RC3H1: variants seen among roughly 807,000 people sequenced by gnomAD.
RC3H1 encodes the protein roquin-1.
RC3H1 carries 50 observed loss-of-function variants against 138.2 expected under a neutral mutation model. That is an observed-to-expected ratio of 0.36 (90% confidence interval 0.29 to 0.46). The LOEUF (loss-of-function observed/expected upper bound fraction) is 0.46. Ranked by LOEUF, RC3H1 falls within the 20% of genes least tolerant of loss-of-function variation. The pLI, the probability that RC3H1 is intolerant of heterozygous loss-of-function variation, is 1.00. For synonymous variants in RC3H1, 462 were observed against 489.1 expected (o/e 0.94, Z 0.73); for missense variants, 1,031 against 1,388.1 (o/e 0.74, Z 4.09).
chr1:173,942,428 C>CAAAAAAAAAAAAAAAAA lies in RC3H1; in HGVS notation c.3135+997_3135+1013dup, dbSNP rs60694243. On this transcript the variant is annotated intron_variant, in intron 18 of 19. Transcript: ENST00000367696. ...ACCCTGGGTGACAGAGACTCAGTCT[C>CAAAAAAAAAAAAAAAAA]AAAAAAAAAAAAAAAAAAAAAAGAA... Among the ~76,000 whole-genome samples, 58 of 38,076 alleles carry CAAAAAAAAAAAAAAAAA rather than the reference C, an allele frequency of 1.5e-3. 5 individuals are homozygous for CAAAAAAAAAAAAAAAAA. Among genetic ancestry groups the CAAAAAAAAAAAAAAAAA allele is most frequent in the African/African-American group, 8.2e-3 (57 of 6,988 alleles). 25.0% of individuals were successfully genotyped at this position (38,076 alleles called of 152,430 possible).
intron 1 of RC3H1, among the ~76,000 whole-genome samples, chr1:174,010,579 G>GT (rs1446112489): frequency 1.3e-5 from 2 of 151,856 alleles, no homozygotes; most frequent in Admixed American, 6.6e-5. Context: ...ATGCCTGGCT[G>GT]TTTTTTTAAT....
chr1:173,961,921 T>A lies in RC3H1; in HGVS notation c.2006A>T (p.His669Leu). 6.2e-7 allele frequency: 1 copy of A among 1,613,932 alleles called. No individual in the cohort carries two copies. The highest frequency in any genetic ancestry group is 8.5e-7 in the Non-Finnish European group (1 of 1,179,900). ...AGGGTACACTCGACGGCCATCATAG[T>A]GAGATGGGTATATAGGTGGGTACTG... ...PQQYPPIYPSHYDGRRVYPAP... is the reference protein window; with the variant it reads ...PQQYPPIYPSLYDGRRVYPAP... Residue 669 changes from histidine (H) to leucine (L), a missense_variant, in exon 12 of 20, where the codon CAC becomes CTC. His to Leu is a moderately conservative substitution (Grantham distance 99). Coordinates refer to ENST00000367696, the MANE Select transcript of RC3H1 (RefSeq NM_172071.4).
At chr1:173,960,906 T>G (rs1157058200) in intron 13 of RC3H1, 171 bp downstream of exon 13, 2 of 621,950 alleles carry the variant, frequency 3.2e-6, no homozygotes, top group East Asian at 5.8e-5. Context: ...TGCATTACAT[T>G]ACATACATAC....
rs1022055574 is a variant in RC3H1, at chr1:173,936,596, T to C, written c.*2125A>G. ...CTGTTATGCAGAGAAATGAAAAATC[T>C]TGGGACTCTGTCAGACATACAAAAG... is the stretch of plus-strand genomic sequence containing the variant. On this transcript the variant is annotated 3_prime_UTR_variant, in exon 20 of 20. Coordinates refer to ENST00000367696, the MANE Select transcript of RC3H1 (RefSeq NM_172071.4). The C allele has an allele frequency of 2.7e-5, 4 of 148,546 alleles. No individual in the cohort carries two copies. The highest frequency in any genetic ancestry group is 4.5e-5 in the Non-Finnish European group (3 of 67,280). The allele number at this position is 148,546 out of a possible 1,614,324, so 9.2% of individuals were successfully genotyped here. A position where few individuals can be genotyped will look rare whatever the true frequency, so the allele number is the denominator to read the frequency against.
rs750736846 is a variant in RC3H1 at position 173,964,878 on chromosome 1, T to C, written c.1577A>G (p.Asp526Gly). The C allele has an allele frequency of 9.9e-6, 16 of 1,614,036 alleles. No individual in the cohort carries two copies. Among genetic ancestry groups the C allele is most frequent in the Middle Eastern group, 1.6e-4 (1 of 6,084 alleles). The change falls in exon 10 of 20, where the codon GAT (aspartate) becomes GGT (glycine). Residue 526 changes from aspartate to glycine, a missense_variant. Asp to Gly is a moderately conservative substitution (Grantham distance 94). This residue lies in a region of RC3H1 where 716 missense variants were observed against 837.9 expected (regional missense o/e 0.85). Transcript: ENST00000367696. Reference sequence around the variant, plus strand: ...TCCAGGAGCACTACTGCTCAGATGATCTATTTTTCCTGGTTTCAGACTAGA... The same window carrying C: ...TCCAGGAGCACTACTGCTCAGATGACCTATTTTTCCTGGTTTCAGACTAGA... ...YDSSLKPGKI[D>G]HLSSSAPGSP...
rs759457732 is a variant in RC3H1, at chr1:173,980,936, C to T, written c.842G>A (p.Arg281Gln). The T allele has an allele frequency of 3.1e-6, 5 of 1,614,002 alleles. No homozygotes were observed. Among genetic ancestry groups the T allele is most frequent in the Non-Finnish European group, 3.4e-6 (4 of 1,179,920 alleles). ...EEFRTYEALR[R>Q]EHDSQIVQIA... ...CTGCACTATCTGGGAGTCATGTTCT[C>T]GCCGCAGAGCTTCATAGGTTCTAAA... Residue 281 changes from arginine to glutamine, a missense_variant, in exon 6 of 20, where the codon CGA becomes CAA. By Grantham distance (43) the Arg-to-Gln change is conservative. Transcript: ENST00000367696.
chr1:174,000,694 T>C (rs1353287307), intron 1 of RC3H1, among the ~76,000 whole-genome samples: 2 of 152,180 alleles, frequency 1.3e-5, no homozygotes, highest in African/African-American at 2.4e-5. Flanking sequence ...AACATTTCCA[T>C]AGCAACCAGC....
At chr1:173,956,269 C>T (rs1452394933) in intron 13 of RC3H1, among the ~76,000 whole-genome samples, 1 of 152,120 alleles carries the variant, frequency 6.6e-6, no homozygotes, top group Admixed American at 6.6e-5. Flanking sequence ...CCTTGACCTT[C>T]CAGCAGTGAG....
chr1:174,012,835 C>T (rs1249021149), intron 1 of RC3H1, among the ~76,000 whole-genome samples: 1 of 150,696 alleles, frequency 6.6e-6, no homozygotes, highest in Non-Finnish European at 1.5e-5. Context: ...ATAAGGAGAT[C>T]TAGATTCTAA....
At chr1:173,989,917 G>A (rs1219301310) in intron 2 of RC3H1, among the ~76,000 whole-genome samples, 6 of 149,414 alleles carry the variant, frequency 4.0e-5, no homozygotes, top group African/African-American at 7.4e-5. Context: ...TAGTAGAGAC[G>A]GGGTTTCACC....
At position 173,964,298 on chromosome 1, in the gene RC3H1, C is replaced by T. The variant is rs974987807; in HGVS notation, c.1617-111G>A. Reference sequence around the variant, plus strand: ...GGGAAACTCACTTATTCTAATAGTCCTCCCTTCTACAAAATTTGCAATTTT... The same window carrying T: ...GGGAAACTCACTTATTCTAATAGTCTTCCCTTCTACAAAATTTGCAATTTT... On this transcript the variant is annotated intron_variant, in intron 10 of 19. Coordinates refer to ENST00000367696, the MANE Select transcript of RC3H1 (RefSeq NM_172071.4). 4 of 811,664 alleles carry T rather than the reference C, an allele frequency of 4.9e-6. No homozygotes were observed. In the African/African-American group the frequency reaches 7.0e-5, roughly 14 times the overall value. 50.3% of individuals were successfully genotyped at this position (811,664 alleles called of 1,614,324 possible).
In RC3H1 at chr1:173,943,750, G is replaced by C. The variant is rs966885549; in HGVS notation, c.2962-135C>G. 4.0e-6 allele frequency: 3 copies of C among 744,994 alleles called. No homozygotes were observed. The African/African-American group carries it at 5.4e-5, about 13-fold the overall frequency. The allele number at this position is 744,994 out of a possible 1,614,324, so 46.1% of individuals were successfully genotyped here. A position where few individuals can be genotyped will look rare whatever the true frequency, so the allele number is the denominator to read the frequency against. ...TTGCAACAAAATAATGCAACTGTAAGGTGCTGTTCTCTTTGAGTACCATTC... is the reference window on the plus strand; with the variant it reads ...TTGCAACAAAATAATGCAACTGTAACGTGCTGTTCTCTTTGAGTACCATTC... On this transcript the variant is annotated intron_variant, in intron 17 of 19. Coordinates refer to ENST00000367696, the MANE Select transcript of RC3H1 (RefSeq NM_172071.4).
At chr1:173,942,494 T>G (rs553428491) in intron 18 of RC3H1, among the ~76,000 whole-genome samples, 1 of 146,924 alleles carries the variant, frequency 6.8e-6, no homozygotes, top group East Asian at 2.0e-4. Context: ...ACATACTTAC[T>G]GAAAGCAAAA....
At chr1:174,007,414 G>A (rs772166559) in intron 1 of RC3H1, among the ~76,000 whole-genome samples, 7 of 151,824 alleles carry the variant, frequency 4.6e-5, no homozygotes, top group Non-Finnish European at 8.8e-5. Context: ...TCTATATAAC[G>A]GAATCATCAG....
chr1:173,935,444 C>T lies in RC3H1; in HGVS notation c.*3277G>A, dbSNP rs971907213. On this transcript the variant is annotated 3_prime_UTR_variant, in exon 20 of 20. Coordinates refer to ENST00000367696, the MANE Select transcript of RC3H1 (RefSeq NM_172071.4). ...CCTTAACCCATTCAAAATTGTTCAT[C>T]TCAGATATCTGATTTTTGCTTTGGA... 1 of 152,020 alleles carries T rather than the reference C, an allele frequency of 6.6e-6. No homozygotes were observed. The highest frequency in any genetic ancestry group is 1.5e-5 in the Non-Finnish European group (1 of 68,018). 9.4% of individuals were successfully genotyped at this position (152,020 alleles called of 1,614,324 possible).
chr1:173,960,395 G>A (rs1049996363), intron 13 of RC3H1, among the ~76,000 whole-genome samples: 1 of 152,142 alleles, frequency 6.6e-6, no homozygotes, highest in Admixed American at 6.5e-5. Context: ...AAAAACAGGT[G>A]AAATTAATTT....
At chr1:173,991,497 G>A (rs1661286145) in intron 2 of RC3H1, among the ~76,000 whole-genome samples, 1 of 152,210 alleles carries the variant, frequency 6.6e-6, no homozygotes, top group African/African-American at 2.4e-5. Flanking sequence ...AGAAGGTCCT[G>A]TATGATGTTG....
rs74126472 is a variant in RC3H1, at chr1:173,932,643, A to G, written c.*6078T>C. 2 of 152,126 alleles carry G rather than the reference A, an allele frequency of 1.3e-5. No homozygotes were observed. Among genetic ancestry groups the G allele is most frequent in the African/African-American group, 2.4e-5 (1 of 41,436 alleles). 9.4% of individuals were successfully genotyped at this position (152,126 alleles called of 1,614,324 possible). A position where few individuals can be genotyped will look rare whatever the true frequency, so the allele number is the denominator to read the frequency against. On this transcript the variant is annotated 3_prime_UTR_variant, in exon 20 of 20. Coordinates refer to ENST00000367696, the MANE Select transcript of RC3H1 (RefSeq NM_172071.4). ...GATCCATCTGGAAAAAATAACTCTC[A>G]AGACAGTGTCTTAGTTGAATAGAGG... is the stretch of plus-strand genomic sequence containing the variant.
intron 1 of RC3H1, among the ~76,000 whole-genome samples, chr1:173,998,831 C>A (rs1661509685): frequency 6.6e-6 from 1 of 152,088 alleles, no homozygotes; most frequent in Non-Finnish European, 1.5e-5. Flanking sequence ...GTGGTTCACG[C>A]CTGCAATCTC....
Sources: gnomAD v4.1 joint callset for allele counts (sites outside exome capture counted in the v4.1 genomes callset) on GRCh38, gnomAD v4.1.1 for gene constraint, gnomAD v4.1.1 regional missense constraint, MANE v1.5 for transcripts, NCBI Gene and HGNC (gene_info 2026-07-23, HGNC 2026-07-21) for gene names.